FAM13A: variants seen among roughly 807,000 people sequenced by gnomAD.
FAM13A encodes the protein protein FAM13A.
In FAM13A, 76 loss-of-function variants were observed where a neutral mutation model predicts 129.6. The ratio of observed to expected loss-of-function variants is 0.59; its 90% confidence interval spans 0.49 to 0.71. The LOEUF is 0.71. Among genes scored for constraint, FAM13A ranks in the 30% least tolerant of loss-of-function variants. The pLI is 0.00. For missense variants in FAM13A, 1,108 were observed against 1,249.3 expected (o/e 0.89, Z 1.70); for synonymous variants, 443 against 449.9 (o/e 0.98, Z 0.20).
intron 3 of FAM13A, among the ~76,000 whole-genome samples, chr4:89,014,587 C>T (rs1192505848): frequency 2.0e-5 from 3 of 152,170 alleles, no homozygotes; most frequent in Non-Finnish European, 4.4e-5. Flanking sequence ...ATTTCATGGA[C>T]ATTTATTAGT....
At chr4:88,768,573 T>C (rs954561222) in intron 11 of FAM13A, among the ~76,000 whole-genome samples, 2 of 152,080 alleles carry the variant, frequency 1.3e-5, no homozygotes, top group Non-Finnish European at 1.5e-5. Context: ...TGTGTATATA[T>C]GTATATACAT....
intron 23 of FAM13A, chr4:88,730,003 A>G (rs1737302052): frequency 6.6e-6 from 1 of 151,058 alleles, no homozygotes; most frequent in Admixed American, 6.6e-5. Flanking sequence ...GTTTAGGTAT[A>G]AAAATATATG....
chr4:88,951,839 C>A (rs1038019421), intron 4 of FAM13A, among the ~76,000 whole-genome samples: 34 of 148,308 alleles, frequency 2.3e-4, no homozygotes, highest in African/African-American at 8.3e-4. Flanking sequence ...GTATTTATCT[C>A]CATTGCCTTG....
intron 5 of FAM13A, among the ~76,000 whole-genome samples, chr4:88,922,408 C>T (rs1274497988): frequency 2.0e-5 from 3 of 151,962 alleles, no homozygotes; most frequent in African/African-American, 4.8e-5. Flanking sequence ...CACTCAAAAC[C>T]GCTCAACTAC....
At chr4:88,871,190 G>T (rs1015549849) in intron 6 of FAM13A, among the ~76,000 whole-genome samples, 82 of 152,340 alleles carry the variant, frequency 5.4e-4, no homozygotes, top group African/African-American at 1.8e-3. Context: ...AAGATGGGGA[G>T]AAAACAGAGC....
chr4:88,760,473 G>A lies in FAM13A; in HGVS notation c.1579-1572C>T, dbSNP rs1484557779. Among the ~76,000 whole-genome samples the A allele has an allele frequency of 3.8e-4, 29 of 77,314 alleles. 11 individuals carry two copies. Among genetic ancestry groups the A allele is most frequent in the Admixed American group, 8.6e-4 (7 of 8,130 alleles). The allele number at this position is 77,314 out of a possible 152,430, so 50.7% of individuals were successfully genotyped here. Reference sequence around the variant, plus strand: ...CAAAAAATTAGCCGGGCGTGGTGGCGGGCGCCTGTGGTCCCGGCTACTCGG... The same window carrying A: ...CAAAAAATTAGCCGGGCGTGGTGGCAGGCGCCTGTGGTCCCGGCTACTCGG... On this transcript the variant is annotated intron_variant, in intron 13 of 23. Coordinates refer to ENST00000264344, the MANE Select transcript of FAM13A (RefSeq NM_014883.4).
chr4:89,022,014 G>A (rs1036555873), intron 2 of FAM13A, among the ~76,000 whole-genome samples: 1 of 152,178 alleles, frequency 6.6e-6, no homozygotes, highest in African/African-American at 2.4e-5. Context: ...CTTTGAAAGT[G>A]TAAGAAACAA....
At chr4:88,862,787 A>C (rs988835612) in intron 6 of FAM13A, among the ~76,000 whole-genome samples, 9 of 152,090 alleles carry the variant, frequency 5.9e-5, no homozygotes, top group African/African-American at 2.2e-4. Context: ...TTTACGTGTA[A>C]AAATAAATAA....
chr4:88,873,000 C>T (rs1056500139), intron 6 of FAM13A, among the ~76,000 whole-genome samples: 87 of 152,316 alleles, frequency 5.7e-4, no homozygotes, highest in African/African-American at 1.7e-3. Context: ...CACAACCACA[C>T]TCCTATATGG....
At chr4:88,755,784 T>C (rs1342377243) in intron 14 of FAM13A, among the ~76,000 whole-genome samples, 1 of 152,246 alleles carries the variant, frequency 6.6e-6, no homozygotes, top group East Asian at 1.9e-4. Flanking sequence ...GAGTTAGATA[T>C]ATGAAGTATC....
At chr4:88,884,458 T>C (rs1194930904) in intron 6 of FAM13A, among the ~76,000 whole-genome samples, 4 of 152,168 alleles carry the variant, frequency 2.6e-5, no homozygotes, top group African/African-American at 7.2e-5. Flanking sequence ...CATCGCTTTA[T>C]TATTAAAACC....
intron 6 of FAM13A, among the ~76,000 whole-genome samples, chr4:88,866,192 G>T (rs189120959): frequency 1.3e-5 from 2 of 151,948 alleles, no homozygotes; most frequent in South Asian, 2.1e-4. Context: ...GATTACAGGC[G>T]CCTGCCACCA....
intron 7 of FAM13A, among the ~76,000 whole-genome samples, chr4:88,812,469 A>G (rs192812191): frequency 1.5e-3 from 225 of 152,248 alleles, no homozygotes; most frequent in Non-Finnish European, 2.5e-3. Flanking sequence ...GCAACCCAAC[A>G]TATCTCTACA....
chr4:88,881,654 T>A (rs1380032389), intron 6 of FAM13A, among the ~76,000 whole-genome samples: 3 of 151,728 alleles, frequency 2.0e-5, no homozygotes, highest in Non-Finnish European at 4.4e-5. Context: ...GAAAAAGAAT[T>A]CAGAAGGTTG....
At chr4:88,923,088 C>A (rs1169554652) in intron 5 of FAM13A, among the ~76,000 whole-genome samples, 3 of 152,088 alleles carry the variant, frequency 2.0e-5, no homozygotes, top group Non-Finnish European at 2.9e-5. Flanking sequence ...GGTCCAGGAC[C>A]AGATGGATTC....
At chr4:88,870,306 G>C (rs1320939635) in intron 6 of FAM13A, among the ~76,000 whole-genome samples, 1 of 152,218 alleles carries the variant, frequency 6.6e-6, no homozygotes, top group Non-Finnish European at 1.5e-5. Flanking sequence ...AGCCCACGGA[G>C]GGCGAGCTGA....
chr4:88,937,826 G>GA lies in FAM13A; in HGVS notation c.759+261dup, dbSNP rs35109850. 5.2e-3 allele frequency: 2,678 copies of GA among 517,960 alleles called. 61 individuals carry two copies. The highest frequency in any genetic ancestry group is 0.046 in the African/African-American group (2,370 of 51,766). 32.1% of individuals were successfully genotyped at this position (517,960 alleles called of 1,614,324 possible). A position where few individuals can be genotyped will look rare whatever the true frequency, so the allele number is the denominator to read the frequency against. On this transcript the variant is annotated intron_variant, in intron 5 of 23. Coordinates refer to ENST00000264344, the MANE Select transcript of FAM13A (RefSeq NM_014883.4). ...TAAAGGTGGTGCGGCCAGTTGATCA[G>GA]AGCACTGGGCTCATGCAAGTGTTTT...
chr4:88,886,521 G>C (rs1744447090), intron 6 of FAM13A, among the ~76,000 whole-genome samples: 1 of 152,094 alleles, frequency 6.6e-6, no homozygotes, highest in African/African-American at 2.4e-5. Context: ...CCAGGAGGCA[G>C]AGGTTGCAGT....
At chr4:88,896,609 CTCT>C (rs1396618258) in intron 6 of FAM13A, among the ~76,000 whole-genome samples, 3 of 152,132 alleles carry the variant, frequency 2.0e-5, no homozygotes, top group Non-Finnish European at 4.4e-5. Context: ...TGAATAAAAT[CTCT>C]TCTTAAATGA....
Sources: gnomAD v4.1 joint callset for allele counts (sites outside exome capture counted in the v4.1 genomes callset) on GRCh38, gnomAD v4.1.1 for gene constraint, MANE v1.5 for transcripts, NCBI Gene and HGNC (gene_info 2026-07-23, HGNC 2026-07-21) for gene names.